ALKAL2: variants seen among roughly 807,000 people sequenced by gnomAD.
ALKAL2 encodes the protein AUG-alpha.
In ALKAL2, 8 loss-of-function variants were observed where a neutral mutation model predicts 18.5. The ratio of observed to expected loss-of-function variants is 0.43; its 90% CI spans 0.25 to 0.78. The LOEUF is 0.78. ALKAL2 is among the 30% of genes least tolerant of loss of function. The pLI, the probability that ALKAL2 is intolerant of heterozygous loss-of-function variation, is 0.22. For synonymous variants in ALKAL2, 135 were observed against 95.8 expected (o/e 1.41, Z -2.39); for missense variants, 241 against 211.2 (o/e 1.14, Z -0.88).
In ALKAL2 at chr2:279,918, GTT is replaced by G. The variant is rs373955412; in HGVS notation, c.*227_*228del. The G allele has an allele frequency of 8.5e-6, 4 of 469,164 alleles. No individual in the cohort carries two copies. Among genetic ancestry groups the G allele is most frequent in the Middle Eastern group, 6.5e-4 (2 of 3,092 alleles). 29.1% of individuals were successfully genotyped at this position (469,164 alleles called of 1,614,324 possible). A position where few individuals can be genotyped will look rare whatever the true frequency, so the allele number is the denominator to read the frequency against. Reference sequence around the variant, plus strand: ...GTCAAATGTGGAGCATTCCTTTTGTGTTTTTTTTTTAAATAAGTGACAGATAA... The same window carrying G: ...GTCAAATGTGGAGCATTCCTTTTGTGTTTTTTTTAAATAAGTGACAGATAA... On this transcript the variant is annotated 3_prime_UTR_variant, in exon 6 of 6. Transcript: ENST00000403610.
intron 4 of ALKAL2, among the ~76,000 whole-genome samples, chr2:285,454 TA>T (rs569623275): frequency 1.3e-5 from 2 of 151,680 alleles, no homozygotes; most frequent in African/African-American, 4.8e-5. Context: ...GAGTCCGAAT[TA>T]AAAAAAATGG....
At chr2:287,266 C>G (rs545581017) in intron 2 of ALKAL2, 160 of 264,638 alleles carry the variant, frequency 6.0e-4, no homozygotes, top group African/African-American at 3.4e-3. Context: ...CATGAAGGAG[C>G]CTGGATGCTT....
At chr2:287,934 G>A in intron 1 of ALKAL2, 42 bp from the exon 2 acceptor site, 1 of 1,236,532 alleles carries the variant, frequency 8.1e-7, no homozygotes, top group Non-Finnish European at 1.0e-6. Context: ...GAAAGTCAGC[G>A]GGGGAGGGGG....
chr2:281,283 C>CCTAT (rs1670334427), intron 5 of ALKAL2, among the ~76,000 whole-genome samples: 1 of 152,184 alleles, frequency 6.6e-6, no homozygotes, highest in Non-Finnish European at 1.5e-5. Context: ...TTAAACTTTA[C>CCTAT]CTATCTCTTG....
intron 4 of ALKAL2, chr2:283,678 CGCTG>C: frequency 1.4e-6 from 1 of 734,826 alleles, no homozygotes; most frequent in South Asian, 6.2e-5. Context: ...CGTTTCTAAG[CGCTG>C]GCTGATACTC....
Position 287,711 on chromosome 2 carries a change from A to G in ALKAL2, c.125T>C (p.Val42Ala), listed in dbSNP as rs1476520620. The change falls in exon 2 of 6, where the codon GTG becomes GCG. Residue 42 changes from valine to alanine, a missense_variant. Physicochemically the swap from Val to Ala is moderately conservative, Grantham distance 64 (BLOSUM62 0). Transcript: ENST00000403610. ...CTTCCGCAGCTCCTGGACGAGTTCC[A>G]CCACCAGCCGCAGCAGCGCCTGTCC... Reference protein sequence around the residue: ...ADGQALLRLVVELVQELRKHH... With the variant: ...ADGQALLRLVAELVQELRKHH... 1 of 1,475,764 alleles carries G rather than the reference A, an allele frequency of 6.8e-7. No homozygotes were observed. The highest frequency in any genetic ancestry group is 8.9e-7 in the Non-Finnish European group (1 of 1,119,568). The allele number at this position is 1,475,764 out of a possible 1,614,324, so 91.4% of individuals were successfully genotyped here.
rs906676230 is a variant in ALKAL2 at position 287,794 on chromosome 2, C to T, written c.42G>A (p.Leu14=). The change falls in exon 2 of 6, where the codon CTG becomes CTA. Residue 14 remains leucine (L), a synonymous_variant. Coordinates refer to ENST00000403610, the MANE Select transcript of ALKAL2 (RefSeq NM_001002919.3). The part of the protein sequence containing the change: ...PGHPLLLGLL[L]VLGAAGRGRG... ...GGCCGCGCCCCGCCGCCCCCAGCAC[C>T]AGCAGCAGCCCCAGGAGGAGGGGGT... The T allele has an allele frequency of 4.2e-5, 58 of 1,383,498 alleles. No individual in the cohort carries two copies. Among genetic ancestry groups the T allele is most frequent in the Non-Finnish European group, 5.0e-5 (54 of 1,076,140 alleles). 85.7% of individuals were successfully genotyped at this position (1,383,498 alleles called of 1,614,324 possible).
chr2:280,757 A>G (rs1297094178), intron 5 of ALKAL2, among the ~76,000 whole-genome samples: 1 of 152,062 alleles, frequency 6.6e-6, no homozygotes, highest in Non-Finnish European at 1.5e-5. Flanking sequence ...ACTGTTAGGG[A>G]GGGTTGGTGG....
Position 287,897 on chromosome 2 carries a change from G to T in ALKAL2, c.-57-5C>A. The T allele has an allele frequency of 2.4e-6, 3 of 1,246,300 alleles. No individual in the cohort carries two copies. Among genetic ancestry groups the T allele is most frequent in the Non-Finnish European group, 3.0e-6 (3 of 998,058 alleles). The allele number at this position is 1,246,300 out of a possible 1,614,324, so 77.2% of individuals were successfully genotyped here. A position where few individuals can be genotyped will look rare whatever the true frequency, so the allele number is the denominator to read the frequency against. On this transcript the variant is annotated splice_polypyrimidine_tract_variant and splice_region_variant and intron_variant, in intron 1 of 5. Transcript: ENST00000403610. ...ACGCGCCGAGAGCTGGGCTCGCTGC[G>T]AGAGAAGGGGCGCGGGGGGCCGGAG...
At position 281,220 on chromosome 2, in the gene ALKAL2, T is replaced by C. The variant is rs142169624; in HGVS notation, c.454-1068A>G. Among the ~76,000 whole-genome samples, 912 of 152,350 alleles carry C rather than the reference T, an allele frequency of 6.0e-3. 5 individuals carry two copies. The highest frequency in any genetic ancestry group is 0.023 in the South Asian group (111 of 4,826). ...TTAAAACTTTTGGAATTTGAAGAAATTATCTTTAAAAAATAGGAGTTATGA... is the reference window on the plus strand; with the variant it reads ...TTAAAACTTTTGGAATTTGAAGAAACTATCTTTAAAAAATAGGAGTTATGA... On this transcript the variant is annotated intron_variant, in intron 5 of 5. Coordinates refer to ENST00000403610, the MANE Select transcript of ALKAL2 (RefSeq NM_001002919.3).
chr2:281,978 GA>G (rs764465773), intron 5 of ALKAL2, among the ~76,000 whole-genome samples: 10 of 152,270 alleles, frequency 6.6e-5, no homozygotes, highest in Non-Finnish European at 1.5e-4. Flanking sequence ...AGCTTTGACT[GA>G]CATTGACACC....
intron 5 of ALKAL2, among the ~76,000 whole-genome samples, chr2:281,631 G>A (rs1670352466): frequency 6.6e-6 from 1 of 152,160 alleles, no homozygotes; most frequent in African/African-American, 2.4e-5. Context: ...GCCAGCGGAG[G>A]GGAGGCAGGG....
chr2:287,902 A>AAG lies in ALKAL2; in HGVS notation c.-57-12_-57-11dup. 8.1e-7 allele frequency: 1 copy of AAG among 1,234,402 alleles called. No homozygotes were observed. Among genetic ancestry groups the AAG allele is most frequent in the Non-Finnish European group, 1.0e-6 (1 of 990,582 alleles). The allele number at this position is 1,234,402 out of a possible 1,614,324, so 76.5% of individuals were successfully genotyped here. A position where few individuals can be genotyped will look rare whatever the true frequency, so the allele number is the denominator to read the frequency against. ...CCGAGAGCTGGGCTCGCTGCGAGAGAAGGGGCGCGGGGGGCCGGAGAGAAA... is the reference window on the plus strand; with the variant it reads ...CCGAGAGCTGGGCTCGCTGCGAGAGAAGAGGGGCGCGGGGGGCCGGAGAGAAA... On this transcript the variant is annotated splice_polypyrimidine_tract_variant and intron_variant, in intron 1 of 5. Coordinates refer to ENST00000403610, the MANE Select transcript of ALKAL2 (RefSeq NM_001002919.3).
intron 2 of ALKAL2, 99 bp downstream of exon 2, chr2:287,484 T>G: frequency 4.1e-6 from 3 of 727,812 alleles, no homozygotes; most frequent in Non-Finnish European, 5.8e-6. Flanking sequence ...ATCCTGCTGT[T>G]CAGTGGTCAA....
chr2:287,762 C>T lies in ALKAL2; in HGVS notation c.74G>A (p.Gly25Asp), dbSNP rs1049442505. Reference protein sequence around the residue: ...VLGAAGRGRGGAEPREPADGQ... With the variant: ...VLGAAGRGRGDAEPREPADGQ... ...GTCCGCCGGCTCCCGGGGCTCCGCGCCCCCCCGGCCGCGCCCCGCCGCCCC... is the reference window on the plus strand; with the variant it reads ...GTCCGCCGGCTCCCGGGGCTCCGCGTCCCCCCGGCCGCGCCCCGCCGCCCC... The change falls in exon 2 of 6, where the codon GGC (glycine) becomes GAC (aspartate). Residue 25 changes from glycine to aspartate, a missense_variant. Coordinates refer to ENST00000403610, the MANE Select transcript of ALKAL2 (RefSeq NM_001002919.3). The T allele has an allele frequency of 4.2e-6, 6 of 1,429,050 alleles. No individual in the cohort carries two copies. Among genetic ancestry groups the T allele is most frequent in the Admixed American group, 2.7e-5 (1 of 36,402 alleles). 88.5% of individuals were successfully genotyped at this position (1,429,050 alleles called of 1,614,324 possible).
chr2:279,918 G>GTT lies in ALKAL2; in HGVS notation c.*227_*228dup, dbSNP rs373955412. The GTT allele has an allele frequency of 2.8e-5, 13 of 469,000 alleles. No individual in the cohort carries two copies. Among genetic ancestry groups the GTT allele is most frequent in the Middle Eastern group, 3.2e-4 (1 of 3,092 alleles). The allele number at this position is 469,000 out of a possible 1,614,324, so 29.1% of individuals were successfully genotyped here. On this transcript the variant is annotated 3_prime_UTR_variant, in exon 6 of 6. Transcript: ENST00000403610. ...GTCAAATGTGGAGCATTCCTTTTGT[G>GTT]TTTTTTTTTTAAATAAGTGACAGAT...
chr2:287,677 C>A lies in ALKAL2; in HGVS notation c.159G>T (p.Ser53=), dbSNP rs770298613. The stretch of plus-strand genomic sequence containing the variant: ...GGAGCTGCAGGCCCTTGTGCTCCGC[C>A]GAGTGGTGCTTCCGCAGCTCCTGGA... ...ELVQELRKHH[S]AEHKGLQLLG... The change falls in exon 2 of 6, where the codon TCG becomes TCT. Residue 53 remains serine, a synonymous_variant. Coordinates refer to ENST00000403610, the MANE Select transcript of ALKAL2 (RefSeq NM_001002919.3). The A allele has an allele frequency of 6.7e-7, 1 of 1,483,268 alleles. No individual in the cohort carries two copies. Among genetic ancestry groups the A allele is most frequent in the Non-Finnish European group, 8.9e-7 (1 of 1,123,318 alleles). The allele number at this position is 1,483,268 out of a possible 1,614,324, so 91.9% of individuals were successfully genotyped here.
Position 279,987 on chromosome 2 carries a change from C to A in ALKAL2, c.*160G>T. ...GATTTATCGAATATATATCTGCAAA[C>A]TGTCAACAACATACAAAACTCAAAG... On this transcript the variant is annotated 3_prime_UTR_variant, in exon 6 of 6. Coordinates refer to ENST00000403610, the MANE Select transcript of ALKAL2 (RefSeq NM_001002919.3). 1.3e-6 allele frequency: 1 copy of A among 743,702 alleles called. No homozygotes were observed. The highest frequency in any genetic ancestry group is 1.7e-5 in the South Asian group (1 of 60,126). The allele number at this position is 743,702 out of a possible 1,614,324, so 46.1% of individuals were successfully genotyped here.
intron 5 of ALKAL2, 85 bp from the exon 6 acceptor site, chr2:280,237 C>T: frequency 1.4e-6 from 2 of 1,462,908 alleles, no homozygotes; most frequent in Non-Finnish European, 1.9e-6. Context: ...AGTTAGGGGA[C>T]ACAACATGTT....
Sources: gnomAD v4.1 joint callset for allele counts (sites outside exome capture counted in the v4.1 genomes callset) on GRCh38, gnomAD v4.1.1 for gene constraint, MANE v1.5 for transcripts, NCBI Gene and HGNC (gene_info 2026-07-23, HGNC 2026-07-21) for gene names.